Variants in LAMB4 observed in about 807,000 individuals in gnomAD.
LAMB4 encodes the protein laminin subunit beta-4.
In LAMB4, 196 loss-of-function variants were observed where a neutral mutation model predicts 199.2. That is an observed-to-expected ratio of 0.98 (90% CI 0.88 to 1.11). The LOEUF (loss-of-function observed/expected upper bound fraction) is 1.11, where lower values mean the gene tolerates loss of function less well. Ranked by LOEUF, LAMB4 falls within the 50% of genes least tolerant of loss-of-function variation. The pLI, the probability that LAMB4 is intolerant of heterozygous loss-of-function variation, is 0.00. For missense variants in LAMB4, 2,080 were observed against 2,171.2 expected (o/e 0.96, Z 0.83); for synonymous variants, 744 against 770.6 (o/e 0.97, Z 0.57).
chr7:108,037,364 TAAGAA>T lies in LAMB4; in HGVS notation c.4679+19_4679+23del. 1 of 1,568,790 alleles carries T rather than the reference TAAGAA, an allele frequency of 6.4e-7. No individual in the cohort carries two copies. The highest frequency in any genetic ancestry group is 8.8e-7 in the Non-Finnish European group (1 of 1,140,628). On this transcript the variant is annotated intron_variant, in intron 30 of 33. Coordinates refer to ENST00000388781, the MANE Select transcript of LAMB4 (RefSeq NM_007356.3). ...CAGCAGATGGTCTGTTAGAGCAAGA[TAAGAA>T]TATTAATACAGTACTTACTCAGCTG...
Position 108,092,356 on chromosome 7 carries a change from C to CGTTAG in LAMB4, c.1530_1531insCTAAC (p.Gly511LeufsTer40). The CGTTAG allele has an allele frequency of 1.2e-6, 2 of 1,613,656 alleles. No individual in the cohort carries two copies. The highest frequency in any genetic ancestry group is 8.5e-7 in the Non-Finnish European group (1 of 1,179,614). ...ACTTACACGTTAGAATAAGCACCTC[C>CGTTAG]AATATCACAGTCACAGGGAGAACAC... On this transcript the variant is annotated frameshift_variant, in exon 13 of 34. Transcript: ENST00000388781. LOFTEE classifies it high-confidence loss of function.
At chr7:108,022,761 T>C (rs1261378325), downstream of LAMB4, among the ~76,000 whole-genome samples, 1 of 152,198 alleles carries the variant, frequency 6.6e-6, no homozygotes, top group Non-Finnish European at 1.5e-5. Context: ...AGAATTTTCA[T>C]ATTTATGTAT....
At chr7:108,042,937 C>CTGTGTGTGTGTGTGTGTGTGTGTG (rs754739499) in intron 29 of LAMB4, among the ~76,000 whole-genome samples, 3 of 140,288 alleles carry the variant, frequency 2.1e-5, no homozygotes, top group African/African-American at 8.3e-5. Flanking sequence ...CTCTCAATCT[C>CTGTGTGTGTGTGTGTGTGTGTGTG]TGTGTGTGTG....
At chr7:108,052,061 T>C in intron 26 of LAMB4, 36 bp downstream of exon 26, 1 of 1,561,024 alleles carries the variant, frequency 6.4e-7, no homozygotes, top group Non-Finnish European at 8.7e-7. Context: ...CATCAAACTT[T>C]GTGCAGACAC....
chr7:108,043,672 T>C (rs2035513337), intron 29 of LAMB4, 80 bp downstream of exon 29: 2 of 720,548 alleles, frequency 2.8e-6, no homozygotes, highest in Non-Finnish European at 4.0e-6. Flanking sequence ...CTCCGCCTCC[T>C]GGGTTCACGT....
At chr7:108,041,055 A>C (rs527907798) in intron 29 of LAMB4, among the ~76,000 whole-genome samples, 1 of 152,314 alleles carries the variant, frequency 6.6e-6, no homozygotes, top group South Asian at 2.1e-4. Context: ...ATCTACAAGA[A>C]AAAAACAACC....
rs2035692571 is a variant in LAMB4 at position 108,048,018 on chromosome 7, G to A, written c.4216C>T (p.Pro1406Ser). Residue 1406 changes from proline to serine, a missense_variant, in exon 28 of 34, where the codon CCC (proline) becomes TCC (serine). Physicochemically the swap from Pro to Ser is moderately conservative, Grantham distance 74 (BLOSUM62 -1). Coordinates refer to ENST00000388781, the MANE Select transcript of LAMB4 (RefSeq NM_007356.3). ...AGGGTCAGGGAGCCGTGACAGCCGGGACCCCTACACTTCCTGTGCCCCTTC... is the reference window on the plus strand; with the variant it reads ...AGGGTCAGGGAGCCGTGACAGCCGGAACCCCTACACTTCCTGTGCCCCTTC... ...GRKGHRKCRG[P>S]GCHGSLTLST... 4 of 1,614,008 alleles carry A rather than the reference G, an allele frequency of 2.5e-6. No homozygotes were observed. Among genetic ancestry groups the A allele is most frequent in the African/African-American group, 1.3e-5 (1 of 74,920 alleles).
chr7:108,044,955 C>CAAAA (rs756256335), intron 28 of LAMB4, among the ~76,000 whole-genome samples: 32 of 55,938 alleles, frequency 5.7e-4, no homozygotes, highest in African/African-American at 2.3e-3. Context: ...ATTCTTGTCT[C>CAAAA]AAAAAAAAAA....
chr7:108,035,604 CAAAAAAAAAAA>C (rs34425857), intron 30 of LAMB4, among the ~76,000 whole-genome samples: 1 of 79,946 alleles, frequency 1.3e-5, no homozygotes, highest in East Asian at 3.4e-4. Context: ...TAGAGAGTAC[CAAAAAAAAAAA>C]AAAAAAAGAA....
chr7:108,091,856 C>T (rs2037417925), intron 13 of LAMB4, 80 bp from the exon 14 acceptor site: 2 of 1,399,940 alleles, frequency 1.4e-6, no homozygotes, highest in Non-Finnish European at 9.9e-7. Context: ...TGGGCTAATG[C>T]TCCCTGAGTT....
At chr7:108,034,580 T>C (rs945917881) in intron 30 of LAMB4, among the ~76,000 whole-genome samples, 10 of 152,334 alleles carry the variant, frequency 6.6e-5, no homozygotes, top group African/African-American at 2.4e-4. Flanking sequence ...ATATATATTT[T>C]GTTAAATATG....
At chr7:108,022,565 G>A (rs1158890559), downstream of LAMB4, among the ~76,000 whole-genome samples, 1 of 152,160 alleles carries the variant, frequency 6.6e-6, no homozygotes, top group African/African-American at 2.4e-5. Flanking sequence ...TGAGGAATGA[G>A]ATTTTTTACA....
At chr7:108,054,839 TAATCTCAACAA>T (rs915561291) in intron 25 of LAMB4, among the ~76,000 whole-genome samples, 10 of 152,304 alleles carry the variant, frequency 6.6e-5, no homozygotes, top group Non-Finnish European at 7.4e-5. Context: ...ACTATCAACA[TAATCTCAACAA>T]ATGGTTAAAT....
At chr7:108,046,293 G>T (rs980456005) in intron 28 of LAMB4, among the ~76,000 whole-genome samples, 6 of 142,906 alleles carry the variant, frequency 4.2e-5, no homozygotes, top group Non-Finnish European at 9.1e-5. Flanking sequence ...GTTTCACCAT[G>T]TTGGCCAGGC....
At position 108,062,921 on chromosome 7, in the gene LAMB4, AG is replaced by A; in HGVS notation, c.3134del (p.Pro1045LeufsTer59). The A allele has an allele frequency of 6.2e-7, 1 of 1,608,720 alleles. No individual in the cohort carries two copies. The highest frequency in any genetic ancestry group is 8.5e-7 in the Non-Finnish European group (1 of 1,177,810). ...PPGGGACLCD[P>X]VTGACPCLPN... ...GCAGACAAGGACATGCACCAGTGAC[AG>A]GGTCACAGAGGCAAGCTCCCCCACC... On this transcript the variant is annotated frameshift_variant, in exon 23 of 34. Transcript: ENST00000388781. LOFTEE classifies it high-confidence loss of function.
chr7:108,025,383 CTT>C (rs1237019900), intron 33 of LAMB4, among the ~76,000 whole-genome samples: 1 of 103,226 alleles, frequency 9.7e-6, no homozygotes, highest in African/African-American at 9.6e-5. Flanking sequence ...TCTTTCTTTT[CTT>C]TTCTTTTCTT....
intron 29 of LAMB4, among the ~76,000 whole-genome samples, chr7:108,038,451 T>C (rs866862127): frequency 2.0e-5 from 3 of 152,322 alleles, no homozygotes; most frequent in South Asian, 2.1e-4. Flanking sequence ...TGAGCCACTG[T>C]GCCCCCCAAA....
rs770113679 is a variant in LAMB4, at chr7:108,069,766, C to T, written c.2244G>A (p.Pro748=). ...TGATGATCAGCCTTTCACAGGCACCCGGGAGCACTTGAGGTCCCATTGCTG... is the reference window on the plus strand; with the variant it reads ...TGATGATCAGCCTTTCACAGGCACCTGGGAGCACTTGAGGTCCCATTGCTG... ...IASAMGPQVL[P]GACERLIISM... Residue 748 remains proline (P), a synonymous_variant, in exon 18 of 34, where the codon CCG becomes CCA. Coordinates refer to ENST00000388781, the MANE Select transcript of LAMB4 (RefSeq NM_007356.3). The T allele has an allele frequency of 1.1e-5, 17 of 1,613,818 alleles. No homozygotes were observed. The Admixed American group carries it at 1.3e-4, about 13-fold the overall frequency.
At chr7:108,080,588 G>A (rs1458839265) in intron 14 of LAMB4, among the ~76,000 whole-genome samples, 1 of 152,062 alleles carries the variant, frequency 6.6e-6, no homozygotes, top group African/African-American at 2.4e-5. Context: ...AGTTCTAGTT[G>A]CTCTGTGATC....
Sources: allele counts gnomAD v4.1 joint callset (sites outside exome capture counted in the v4.1 genomes callset), GRCh38; gene constraint gnomAD v4.1.1; transcripts MANE v1.5; gene names NCBI Gene and HGNC (gene_info 2026-07-23, HGNC 2026-07-21).